The following WDR19 variants were observed in gnomAD, a reference collection of about 807,000 sequenced individuals.
WDR19 encodes WD repeat-containing protein 19.
In WDR19, 121 loss-of-function variants were observed where a neutral mutation model predicts 180.0. The observed-to-expected ratio is 0.67, with a 90% CI of 0.58 to 0.78. The LOEUF is 0.78. Ranked by LOEUF, WDR19 falls within the 30% of genes least tolerant of loss-of-function variation. WDR19 has a pLI of 0.00. For synonymous variants in WDR19, 497 were observed against 540.7 expected, an observed-to-expected ratio of 0.92 and a Z score of 1.12; for missense variants, 1,450 against 1,640.7, an observed-to-expected ratio of 0.88 and a Z score of 2.01.
At position 39,253,932 on chromosome 4, in the gene WDR19, G is replaced by A. The variant is rs1296775475; in HGVS notation, c.2903G>A (p.Gly968Glu). The A allele has an allele frequency of 1.9e-6, 3 of 1,607,898 alleles. No homozygotes were observed. The highest frequency in any genetic ancestry group is 2.6e-6 in the Non-Finnish European group (3 of 1,176,118). ...TTTTTTCTACAGCTTGGTGACTATG[G>A]GTCTGCCATCCAGTTTCTTGTCATG... is the stretch of plus-strand genomic sequence containing the variant. ...ARFFLQLGDY[G>E]SAIQFLVMSK... Residue 968 changes from glycine (G) to glutamate (E), a missense_variant, in exon 26 of 37, where the codon GGG (glycine) becomes GAG (glutamate). Physicochemically the swap from Gly to Glu is moderately conservative, Grantham distance 98. Coordinates refer to ENST00000399820, the MANE Select transcript of WDR19 (RefSeq NM_025132.4).
At position 39,244,542 on chromosome 4, in the gene WDR19, T is replaced by C. The variant is rs2109406888; in HGVS notation, c.2635T>C (p.Ser879Pro). The C allele has an allele frequency of 6.2e-7, 1 of 1,614,018 alleles. No homozygotes were observed. ...YDKAASVYIRSKNWAKVGDLL... is the reference protein window; with the variant it reads ...YDKAASVYIRPKNWAKVGDLL... ...TAAAGCAGCATCTGTTTACATCCGC[T>C]CTAAGAATTGGTAAGAGCTGCCTGC... The change falls in exon 23 of 37, where the codon TCT becomes CCT. Residue 879 changes from serine to proline, a missense_variant. Coordinates refer to ENST00000399820, the MANE Select transcript of WDR19 (RefSeq NM_025132.4).
In WDR19 at chr4:39,240,294, C is replaced by A; in HGVS notation, c.2381C>A (p.Ala794Asp). 2 of 1,397,682 alleles carry A rather than the reference C, an allele frequency of 1.4e-6. No homozygotes were observed. The highest frequency in any genetic ancestry group is 5.5e-5 in the Admixed American group (2 of 36,258). The allele number at this position is 1,397,682 out of a possible 1,614,324, so 86.6% of individuals were successfully genotyped here. A position where few individuals can be genotyped will look rare whatever the true frequency, so the allele number is the denominator to read the frequency against. ...QLEFAGDYVN[A>D]LAHYEKGITG... Reference sequence around the variant, plus strand: ...TTTTTCAGGGGTGATTATGTAAATGCTTTGGCTCATTATGAGAAAGGAATA... The same window carrying A: ...TTTTTCAGGGGTGATTATGTAAATGATTTGGCTCATTATGAGAAAGGAATA... Residue 794 changes from alanine (A) to aspartate (D), a missense_variant, in exon 21 of 37, where the codon GCT (alanine) becomes GAT (aspartate). Transcript: ENST00000399820.
chr4:39,240,093 C>G (rs2109392860), intron 20 of WDR19, among the ~76,000 whole-genome samples, 184 bp from the exon 21 acceptor site: 1 of 146,600 alleles, frequency 6.8e-6, no homozygotes, highest in South Asian at 2.2e-4. Flanking sequence ...TGGAAGATCA[C>G]TTGAGCCAGT....
intron 33 of WDR19, chr4:39,275,220 G>A: frequency 2.4e-6 from 1 of 412,130 alleles, no homozygotes; most frequent in Non-Finnish European, 4.6e-6. Flanking sequence ...CACACCTGTA[G>A]TCCCAGCTAC....
intron 33 of WDR19, 71 bp from the exon 34 acceptor site, chr4:39,276,949 A>C: frequency 6.3e-7 from 1 of 1,590,636 alleles, no homozygotes; most frequent in Non-Finnish European, 8.6e-7. Context: ...TTTTCCAAAT[A>C]TGCTTTCTCT....
chr4:39,278,686 A>T, intron 36 of WDR19, 23 bp downstream of exon 36: 1 of 1,500,262 alleles, frequency 6.7e-7, no homozygotes, highest in Non-Finnish European at 9.2e-7. Flanking sequence ...GCGCCCACGC[A>T]CCTTCTGGGC....
intron 15 of WDR19, among the ~76,000 whole-genome samples, chr4:39,227,142 A>G (rs998144459): frequency 3.3e-5 from 5 of 152,200 alleles, no homozygotes; most frequent in Non-Finnish European, 5.9e-5. Flanking sequence ...GACTTGGCAC[A>G]TTTCAGTGCT....
At chr4:39,228,888 A>G (rs1202620866) in intron 17 of WDR19, among the ~76,000 whole-genome samples, 198 bp downstream of exon 17, 1 of 151,932 alleles carries the variant, frequency 6.6e-6, no homozygotes, top group Non-Finnish European at 1.5e-5. Context: ...TGGGCTTTTA[A>G]TGTACCCATC....
At chr4:39,260,642 A>T (rs1734198266) in intron 28 of WDR19, among the ~76,000 whole-genome samples, 1 of 152,098 alleles carries the variant, frequency 6.6e-6, no homozygotes, top group South Asian at 2.1e-4. Context: ...CACCCAGCCT[A>T]GTAGGGCCAT....
chr4:39,258,942 C>T (rs1734013299), intron 28 of WDR19, among the ~76,000 whole-genome samples: 1 of 151,996 alleles, frequency 6.6e-6, no homozygotes, highest in Non-Finnish European at 1.5e-5. Context: ...GTGGCGGGCA[C>T]CTGTAATCCC....
At chr4:39,252,043 G>A (rs375603628) in intron 24 of WDR19, among the ~76,000 whole-genome samples, 2 of 151,772 alleles carry the variant, frequency 1.3e-5, no homozygotes, top group Non-Finnish European at 2.9e-5. Flanking sequence ...ATGCTGCTAT[G>A]AAGACACATG....
intron 12 of WDR19, among the ~76,000 whole-genome samples, chr4:39,216,661 G>A (rs1377051112): frequency 6.6e-6 from 1 of 152,164 alleles, no homozygotes; most frequent in Admixed American, 6.5e-5. Flanking sequence ...CTTAATAAAT[G>A]TTAGTTCTGT....
At chr4:39,240,755 G>T (rs943520006) in intron 21 of WDR19, among the ~76,000 whole-genome samples, 2 of 151,820 alleles carry the variant, frequency 1.3e-5, no homozygotes, top group Non-Finnish European at 2.9e-5. Flanking sequence ...TTCAAGACCA[G>T]CCTGGCCAAT....
intron 3 of WDR19, among the ~76,000 whole-genome samples, chr4:39,189,191 T>C (rs1181222500): frequency 6.6e-6 from 1 of 152,198 alleles, no homozygotes; most frequent in African/African-American, 2.4e-5. Context: ...CCCAAAGTGC[T>C]GGGATTACAG....
chr4:39,243,430 G>A (rs1047384898), intron 21 of WDR19, among the ~76,000 whole-genome samples: 2 of 151,946 alleles, frequency 1.3e-5, no homozygotes, highest in African/African-American at 4.8e-5. Flanking sequence ...TTATTTATTG[G>A]CCAATTGTAT....
chr4:39,195,993 G>A (rs114241312), intron 5 of WDR19, among the ~76,000 whole-genome samples: 4,381 of 152,206 alleles, frequency 0.029, 212 homozygotes, highest in African/African-American at 0.1. Flanking sequence ...CTGAGCACTG[G>A]AAGCAAAAGG....
chr4:39,270,755 C>A (rs1181097094), intron 31 of WDR19, among the ~76,000 whole-genome samples: 1 of 152,092 alleles, frequency 6.6e-6, no homozygotes, highest in Non-Finnish European at 1.5e-5. Context: ...AAACATCTTT[C>A]TTTATGCAAA....
chr4:39,268,748 C>T (rs999254888), intron 30 of WDR19, among the ~76,000 whole-genome samples: 3 of 152,112 alleles, frequency 2.0e-5, no homozygotes, highest in African/African-American at 7.2e-5. Context: ...GCTAGGAGCT[C>T]AGGATACAGA....
chr4:39,285,235 C>T lies in WDR19; in HGVS notation c.*14-252C>T, dbSNP rs917307145. On this transcript the variant is annotated intron_variant, in intron 36 of 36. Coordinates refer to ENST00000399820, the MANE Select transcript of WDR19 (RefSeq NM_025132.4). Reference sequence around the variant, plus strand: ...GCATTTGTTCTTCCCAGTGAGATGGCTGTTATCATCAGCATCCTTACTTCA... The same window carrying T: ...GCATTTGTTCTTCCCAGTGAGATGGTTGTTATCATCAGCATCCTTACTTCA... Among the ~76,000 whole-genome samples, 97 of 107,282 alleles carry T rather than the reference C, an allele frequency of 9.0e-4. 1 individual carries two copies. The highest frequency in any genetic ancestry group is 4.6e-3 in the African/African-American group (83 of 18,050). The allele number at this position is 107,282 out of a possible 152,430, so 70.4% of individuals were successfully genotyped here. A position where few individuals can be genotyped will look rare whatever the true frequency, so the allele number is the denominator to read the frequency against.
Sources: gnomAD v4.1 joint callset for allele counts (sites outside exome capture counted in the v4.1 genomes callset) on GRCh38, gnomAD v4.1.1 for gene constraint, MANE v1.5 for transcripts, NCBI Gene and HGNC (gene_info 2026-07-23, HGNC 2026-07-21) for gene names.